The following CHCHD3 variants were observed in gnomAD, a reference collection of about 807,000 sequenced individuals.
CHCHD3 encodes MICOS complex subunit MIC19.
A neutral mutation model predicts 38.2 loss-of-function variants in CHCHD3; 20 were observed. The ratio of observed to expected loss-of-function variants is 0.52; its 90% confidence interval spans 0.37 to 0.76. The LOEUF is 0.76. Among genes scored for constraint, CHCHD3 ranks in the 30% least tolerant of loss-of-function variants. CHCHD3 has a pLI of 0.00. For missense variants in CHCHD3, 245 were observed against 279.2 expected (o/e 0.88, Z 0.87); for synonymous variants, 82 against 100.0 (o/e 0.82, Z 1.07).
chr7:132,887,692 A>G lies in CHCHD3; in HGVS notation c.370-1947T>C, dbSNP rs188769672. Reference sequence around the variant, plus strand: ...CACGAAAAATACAAATAATAAACACATGAGAAAAACCCAACCCCACATCAA... The same window carrying G: ...CACGAAAAATACAAATAATAAACACGTGAGAAAAACCCAACCCCACATCAA... On this transcript the variant is annotated intron_variant, in intron 4 of 7. Coordinates refer to ENST00000262570, the MANE Select transcript of CHCHD3 (RefSeq NM_017812.4). Among the ~76,000 whole-genome samples, 43 of 151,928 alleles carry G rather than the reference A, an allele frequency of 2.8e-4. No homozygotes were observed. The Middle Eastern group carries it at 0.014, about 48-fold the overall frequency.
At chr7:133,001,969 T>C (rs1419623189) in intron 3 of CHCHD3, among the ~76,000 whole-genome samples, 2 of 152,204 alleles carry the variant, frequency 1.3e-5, no homozygotes, top group African/African-American at 4.8e-5. Context: ...AGAGTTATTA[T>C]TGTCCTCCAT....
Position 132,953,220 on chromosome 7 carries a change from T to G in CHCHD3, c.369+21949A>C, listed in dbSNP as rs1811073755. On this transcript the variant is annotated intron_variant, in intron 4 of 7. Coordinates refer to ENST00000262570, the MANE Select transcript of CHCHD3 (RefSeq NM_017812.4). ...TATAACCTTCTCCAATGCTGTGAAT[T>G]TAATATATTGGCAGGAGGTATTGAG... Among the ~76,000 whole-genome samples, 9 of 152,264 alleles carry G rather than the reference T, an allele frequency of 5.9e-5. 1 individual carries two copies. The South Asian group carries it at 1.9e-3, about 32-fold the overall frequency.
intron 4 of CHCHD3, among the ~76,000 whole-genome samples, chr7:132,970,360 A>G (rs947368484): frequency 1.3e-5 from 2 of 152,236 alleles, no homozygotes; most frequent in Non-Finnish European, 2.9e-5. Context: ...AGATGCAATC[A>G]GTCATTTATT....
intron 5 of CHCHD3, among the ~76,000 whole-genome samples, chr7:132,866,429 A>T (rs1808627188): frequency 6.6e-6 from 1 of 152,222 alleles, no homozygotes; most frequent in African/African-American, 2.4e-5. Context: ...TCAGCATTGC[A>T]GTGCTAGCAA....
chr7:133,045,268 A>AGTC (rs1264271346), intron 2 of CHCHD3, among the ~76,000 whole-genome samples: 2 of 152,112 alleles, frequency 1.3e-5, no homozygotes, highest in African/African-American at 4.8e-5. Context: ...ACAACTGACG[A>AGTC]AGAGGTTCAG....
At chr7:132,790,137 T>C (rs1806421473) in intron 7 of CHCHD3, among the ~76,000 whole-genome samples, 1 of 152,252 alleles carries the variant, frequency 6.6e-6, no homozygotes, top group Non-Finnish European at 1.5e-5. Flanking sequence ...TGTTTGTTCT[T>C]TGTTCCTCCT....
intron 2 of CHCHD3, among the ~76,000 whole-genome samples, chr7:133,049,795 C>T (rs898005749): frequency 6.6e-6 from 1 of 152,188 alleles, no homozygotes; most frequent in Non-Finnish European, 1.5e-5. Context: ...AATTTCTTTA[C>T]TTGTGGTGTT....
intron 5 of CHCHD3, among the ~76,000 whole-genome samples, chr7:132,843,694 T>C (rs1010905865): frequency 2.0e-5 from 3 of 152,214 alleles, no homozygotes. Flanking sequence ...TTGTTATCTC[T>C]GTTGTCTTGA....
intron 4 of CHCHD3, among the ~76,000 whole-genome samples, chr7:132,890,510 A>G (rs886154192): frequency 6.6e-6 from 1 of 152,198 alleles, no homozygotes; most frequent in African/African-American, 2.4e-5. Context: ...ACTCGGTGAC[A>G]ACACAACCAC....
Position 132,902,828 on chromosome 7 carries a change from A to T in CHCHD3, c.370-17083T>A, listed in dbSNP as rs946173978. Among the ~76,000 whole-genome samples the T allele has an allele frequency of 5.3e-5, 8 of 152,310 alleles. No homozygotes were observed. In the South Asian group the frequency reaches 1.7e-3, roughly 32 times the overall value. The stretch of plus-strand genomic sequence containing the variant: ...AACTTAAAGTATAATAAATAAAAAT[A>T]AAAAATAATAAAAAAAGACTTAGCT... On this transcript the variant is annotated intron_variant, in intron 4 of 7. Transcript: ENST00000262570.
chr7:132,928,248 A>T (rs967472582), intron 4 of CHCHD3, among the ~76,000 whole-genome samples: 4 of 152,222 alleles, frequency 2.6e-5, no homozygotes, highest in Non-Finnish European at 4.4e-5. Context: ...TGAAGTTAGG[A>T]AAGATGTGCC....
At chr7:132,953,166 C>T (rs78688853) in intron 4 of CHCHD3, among the ~76,000 whole-genome samples, 2,384 of 152,234 alleles carry the variant, frequency 0.016, 61 homozygotes, top group African/African-American at 0.054. Flanking sequence ...CTTCACTCCA[C>T]GTAACTTTCC....
intron 6 of CHCHD3, among the ~76,000 whole-genome samples, chr7:132,813,031 T>C (rs909804166): frequency 2.6e-5 from 4 of 152,166 alleles, no homozygotes; most frequent in African/African-American, 9.7e-5. Flanking sequence ...CTTTTCACAA[T>C]TGCCATTGTC....
At chr7:132,930,926 GGCCTGAATTACTCAGC>G (rs1175328518) in intron 4 of CHCHD3, among the ~76,000 whole-genome samples, 1 of 152,048 alleles carries the variant, frequency 6.6e-6, no homozygotes, top group African/African-American at 2.4e-5. Flanking sequence ...CCATCTCCAG[GGCCTGAATTACTCAGC>G]CCTTTTGCAC....
chr7:132,918,486 T>C (rs1230032127), intron 4 of CHCHD3, among the ~76,000 whole-genome samples: 2 of 152,246 alleles, frequency 1.3e-5, no homozygotes, highest in Non-Finnish European at 2.9e-5. Context: ...ATGTATGTAC[T>C]TCACAATAAA....
chr7:133,003,520 T>C (rs1165085623), intron 3 of CHCHD3, among the ~76,000 whole-genome samples: 5 of 152,204 alleles, frequency 3.3e-5, no homozygotes, highest in African/African-American at 1.2e-4. Context: ...GACTCAAAAG[T>C]GTGATAGCTG....
intron 4 of CHCHD3, chr7:132,973,205 A>G: frequency 8.1e-6 from 8 of 985,428 alleles, no homozygotes; most frequent in Non-Finnish European, 8.4e-6. Context: ...AAGATTCAAA[A>G]GAGTAAAAGC....
intron 3 of CHCHD3, among the ~76,000 whole-genome samples, chr7:132,998,004 AT>A (rs1332525361): frequency 3.9e-5 from 6 of 152,248 alleles, no homozygotes; most frequent in Non-Finnish European, 7.3e-5. Context: ...TATAAATTTC[AT>A]TAAGATGTAT....
intron 3 of CHCHD3, among the ~76,000 whole-genome samples, chr7:133,004,926 G>C (rs1243982606): frequency 1.3e-5 from 2 of 152,002 alleles, no homozygotes; most frequent in Non-Finnish European, 2.9e-5. Context: ...AAAGATTATA[G>C]TAGAAGTATT....
Sources: allele counts gnomAD v4.1 joint callset (sites outside exome capture counted in the v4.1 genomes callset), GRCh38; gene constraint gnomAD v4.1.1; transcripts MANE v1.5; gene names NCBI Gene and HGNC (gene_info 2026-07-23, HGNC 2026-07-21).